Variants in ARHGAP15 observed in about 807,000 individuals in gnomAD.
ARHGAP15 encodes the protein Rho GTPase activating protein 15.
Under a neutral mutation model 63.7 loss-of-function variants are expected in ARHGAP15, and 51 were observed. That is an observed-to-expected ratio of 0.80 (90% confidence interval 0.64 to 1.01). The LOEUF is 1.01. ARHGAP15 is among the 50% of genes least tolerant of loss of function. ARHGAP15 has a pLI of 0.00. For synonymous variants in ARHGAP15, 191 were observed against 193.8 expected (o/e 0.99, Z 0.12); for missense variants, 560 against 564.6 (o/e 0.99, Z 0.08).
intron 6 of ARHGAP15, among the ~76,000 whole-genome samples, chr2:143,393,288 G>T (rs1482200190): frequency 6.6e-6 from 1 of 151,898 alleles, no homozygotes. Context: ...TTAAGTGCTA[G>T]GTCTTATATC....
rs1298203836 is a variant in ARHGAP15, at chr2:143,432,475, G to A, written c.475-3126G>A. 5.3e-5 allele frequency among the ~76,000 whole-genome samples: 8 copies of A among 151,884 alleles called. No individual in the cohort carries two copies. In the South Asian group the frequency reaches 6.2e-4, roughly 12 times the overall value. On this transcript the variant is annotated intron_variant, in intron 6 of 13. Coordinates refer to ENST00000295095, the MANE Select transcript of ARHGAP15 (RefSeq NM_018460.4). ...TAAAATCTAAAACGCAAATTTCTTC[G>A]CTCTTCATCAGTGAAGTCTGGACTT...
chr2:143,164,941 TAAAAC>T (rs1464056429), intron 2 of ARHGAP15, among the ~76,000 whole-genome samples: 3 of 152,164 alleles, frequency 2.0e-5, no homozygotes, highest in Non-Finnish European at 4.4e-5. Flanking sequence ...TTGGAAATTA[TAAAAC>T]AAAATTAAGT....
chr2:143,544,907 A>G (rs1695261621), intron 10 of ARHGAP15, among the ~76,000 whole-genome samples: 1 of 152,164 alleles, frequency 6.6e-6, no homozygotes, highest in Non-Finnish European at 1.5e-5. Context: ...CAAAAAGAAA[A>G]CAGTCATCCT....
chr2:143,299,079 T>C (rs180761297), intron 6 of ARHGAP15, among the ~76,000 whole-genome samples: 1 of 152,088 alleles, frequency 6.6e-6, no homozygotes, highest in Admixed American at 6.6e-5. Flanking sequence ...TCATTGTTTC[T>C]TCAAGAGCAA....
At chr2:143,477,448 TTAA>T (rs977310800) in intron 8 of ARHGAP15, among the ~76,000 whole-genome samples, 31 of 152,160 alleles carry the variant, frequency 2.0e-4, no homozygotes, top group Admixed American at 1.9e-3. Context: ...TCTATTAAGA[TTAA>T]TAATTGCTTC....
chr2:143,381,579 TC>T (rs1483555739), intron 6 of ARHGAP15, among the ~76,000 whole-genome samples: 2 of 152,214 alleles, frequency 1.3e-5, no homozygotes, highest in East Asian at 3.8e-4. Context: ...ATCCTCTACT[TC>T]CTGCACACTT....
At chr2:143,599,537 A>G (rs1697679362) in intron 11 of ARHGAP15, among the ~76,000 whole-genome samples, 1 of 152,132 alleles carries the variant, frequency 6.6e-6, no homozygotes, top group Non-Finnish European at 1.5e-5. Context: ...TACCCCCGCC[A>G]TCTACACAGA....
At chr2:143,738,532 C>T (rs543830852) in intron 13 of ARHGAP15, among the ~76,000 whole-genome samples, 144 of 152,254 alleles carry the variant, frequency 9.5e-4, no homozygotes, top group African/African-American at 3.3e-3. Flanking sequence ...GGCCTCTCTT[C>T]GAACATCATG....
intron 6 of ARHGAP15, among the ~76,000 whole-genome samples, chr2:143,303,497 C>T (rs1006429435): frequency 6.6e-6 from 1 of 151,932 alleles, no homozygotes; most frequent in African/African-American, 2.4e-5. Flanking sequence ...AATGTTAGAC[C>T]TAAAACCATA....
intron 6 of ARHGAP15, among the ~76,000 whole-genome samples, chr2:143,355,914 T>A (rs998433730): frequency 1.3e-5 from 2 of 152,168 alleles, no homozygotes; most frequent in Non-Finnish European, 2.9e-5. Context: ...CAATGCCATT[T>A]AAATATTATT....
intron 11 of ARHGAP15, among the ~76,000 whole-genome samples, chr2:143,568,308 T>G (rs1174195728): frequency 6.6e-6 from 1 of 151,856 alleles, no homozygotes; most frequent in African/African-American, 2.4e-5. Flanking sequence ...TACAAAGAAC[T>G]TAAACAAATT....
rs563868628 is a variant in ARHGAP15 at position 143,332,611 on chromosome 2, G to T, written c.474+82011G>T. 8.5e-5 allele frequency among the ~76,000 whole-genome samples: 13 copies of T among 152,174 alleles called. 1 individual carries two copies. Among genetic ancestry groups the T allele is most frequent in the Middle Eastern group, 3.4e-3 (1 of 294 alleles). On this transcript the variant is annotated intron_variant, in intron 6 of 13. Coordinates refer to ENST00000295095, the MANE Select transcript of ARHGAP15 (RefSeq NM_018460.4). ...ATTCAAATATCAAAGTGCTTCAAGTGGCTTTGATGACATACTTATGAATTC... is the reference window on the plus strand; with the variant it reads ...ATTCAAATATCAAAGTGCTTCAAGTTGCTTTGATGACATACTTATGAATTC...
chr2:143,288,583 A>C (rs1463680502), intron 6 of ARHGAP15, among the ~76,000 whole-genome samples: 2 of 151,626 alleles, frequency 1.3e-5, no homozygotes, highest in Non-Finnish European at 2.9e-5. Context: ...ATCCACAAGA[A>C]AAATATTTTC....
At chr2:143,632,159 G>A (rs1381539282) in intron 12 of ARHGAP15, among the ~76,000 whole-genome samples, 1 of 151,944 alleles carries the variant, frequency 6.6e-6, no homozygotes, top group Admixed American at 6.6e-5. Context: ...GTTGCCTTTT[G>A]TGTACAAAAA....
At chr2:143,198,911 G>C (rs1045013679) in intron 2 of ARHGAP15, among the ~76,000 whole-genome samples, 1 of 152,088 alleles carries the variant, frequency 6.6e-6, no homozygotes, top group African/African-American at 2.4e-5. Flanking sequence ...ATCTAGTTGG[G>C]TTTTAAGGAA....
chr2:143,598,843 G>A (rs1480706218), intron 11 of ARHGAP15, among the ~76,000 whole-genome samples: 1 of 152,066 alleles, frequency 6.6e-6, no homozygotes, highest in Admixed American at 6.6e-5. Flanking sequence ...CTTAAGTTCA[G>A]GAGTTTGAGG....
intron 13 of ARHGAP15, among the ~76,000 whole-genome samples, chr2:143,737,585 T>C (rs920878206): frequency 8.5e-5 from 13 of 152,212 alleles, no homozygotes; most frequent in African/African-American, 2.4e-4. Flanking sequence ...AAAATGATAC[T>C]ATCAATTGAG....
intron 6 of ARHGAP15, among the ~76,000 whole-genome samples, chr2:143,427,142 T>G (rs115065862): frequency 2.0e-5 from 3 of 152,158 alleles, no homozygotes; most frequent in East Asian, 3.9e-4. Flanking sequence ...CTTGAATGTT[T>G]TATAAACACT....
At chr2:143,502,803 CT>C (rs1242336418) in intron 9 of ARHGAP15, among the ~76,000 whole-genome samples, 1 of 152,152 alleles carries the variant, frequency 6.6e-6, no homozygotes, top group East Asian at 1.9e-4. Flanking sequence ...TGGTCTCGAA[CT>C]CTTGACCTCA....
Sources: gnomAD v4.1 joint callset for allele counts (sites outside exome capture counted in the v4.1 genomes callset) on GRCh38, gnomAD v4.1.1 for gene constraint, MANE v1.5 for transcripts, NCBI Gene and HGNC (gene_info 2026-07-23, HGNC 2026-07-21) for gene names.